ANKRD6: variants seen among roughly 807,000 people sequenced by gnomAD.
The protein encoded by ANKRD6 is ankyrin repeat domain 6, also known as ankyrin repeat domain-containing protein 6.
Under a neutral mutation model 82.3 loss-of-function variants are expected in ANKRD6, and 56 were observed. The ratio of observed to expected loss-of-function variants is 0.68; its 90% CI spans 0.55 to 0.85. The LOEUF (loss-of-function observed/expected upper bound fraction) is 0.85, where lower values mean the gene tolerates loss of function less well. ANKRD6 is among the 40% of genes least tolerant of loss of function. The pLI is 0.00. For missense variants in ANKRD6, 852 were observed against 907.6 expected (o/e 0.94, Z 0.79); for synonymous variants, 347 against 352.1 (o/e 0.99, Z 0.16).
intron 1 of ANKRD6, among the ~76,000 whole-genome samples, chr6:89,438,592 G>A (rs570994527): frequency 6.6e-6 from 1 of 152,258 alleles, no homozygotes; most frequent in South Asian, 2.1e-4. Context: ...TGTACAATAA[G>A]GTGCTAGTGT....
At chr6:89,455,249 A>G (rs1773364732) in intron 1 of ANKRD6, among the ~76,000 whole-genome samples, 1 of 151,900 alleles carries the variant, frequency 6.6e-6, no homozygotes, top group African/African-American at 2.4e-5. Flanking sequence ...TATAAAGAAA[A>G]GAGGTTTAAT....
At chr6:89,579,053 T>C (rs1231009129) in intron 2 of ANKRD6, among the ~76,000 whole-genome samples, 1 of 152,152 alleles carries the variant, frequency 6.6e-6, no homozygotes, top group Non-Finnish European at 1.5e-5. Context: ...CTGCACACCA[T>C]TTCCAGAGTT....
chr6:89,566,677 T>A (rs1012516446), intron 1 of ANKRD6, among the ~76,000 whole-genome samples, 157 bp from the exon 2 acceptor site: 1 of 152,196 alleles, frequency 6.6e-6, no homozygotes, highest in African/African-American at 2.4e-5. Flanking sequence ...GTTCAGGGGC[T>A]TTGCTGTGGA....
chr6:89,520,003 T>C lies in ANKRD6; in HGVS notation c.-143-46831T>C, dbSNP rs942845642. Among the ~76,000 whole-genome samples, 10 of 152,324 alleles carry C rather than the reference T, an allele frequency of 6.6e-5. No homozygotes were observed. In the South Asian group the frequency reaches 1.9e-3, roughly 28 times the overall value. ...TACCTCTTTTCATTTCCTTTTCTTT[T>C]TTGAGATAGGATCTCGCTCTGTTGC... On this transcript the variant is annotated intron_variant, in intron 1 of 15. Transcript: ENST00000339746.
intron 1 of ANKRD6, among the ~76,000 whole-genome samples, chr6:89,444,703 C>T (rs1382055306): frequency 6.6e-6 from 1 of 152,156 alleles, no homozygotes; most frequent in Non-Finnish European, 1.5e-5. Flanking sequence ...CGCGGTGGCT[C>T]ACGCCTGTAA....
chr6:89,532,154 G>C (rs779576813), intron 1 of ANKRD6, among the ~76,000 whole-genome samples: 1 of 152,006 alleles, frequency 6.6e-6, no homozygotes, highest in Non-Finnish European at 1.5e-5. Context: ...TGCTTTATTC[G>C]GTCTATCAAT....
chr6:89,579,197 T>C (rs2128110101), intron 2 of ANKRD6, among the ~76,000 whole-genome samples: 1 of 152,372 alleles, frequency 6.6e-6, no homozygotes, highest in East Asian at 1.9e-4. Context: ...AATAACTTTG[T>C]GCATCATATC....
intron 2 of ANKRD6, among the ~76,000 whole-genome samples, chr6:89,589,350 G>A (rs1794427781): frequency 2.0e-5 from 3 of 152,156 alleles, no homozygotes; most frequent in African/African-American, 4.8e-5. Context: ...GCCTCCTTCC[G>A]AGGGTCCTGG....
intron 1 of ANKRD6, among the ~76,000 whole-genome samples, chr6:89,543,759 C>G (rs999573806): frequency 2.0e-5 from 3 of 152,230 alleles, no homozygotes; most frequent in Non-Finnish European, 4.4e-5. Context: ...TCAGCTCCCT[C>G]TCTTTTATAC....
Position 89,630,877 on chromosome 6 carries a change from A to T in ANKRD6, c.2057A>T (p.Lys686Met). Residue 686 changes from lysine (K) to methionine (M), a missense_variant, in exon 16 of 16, where the codon AAG becomes ATG. Coordinates refer to ENST00000339746, the MANE Select transcript of ANKRD6 (RefSeq NM_001242809.2). ...CAGATGGAAAAGTGGTATGAAAGGAAGATTGAAGAAGCACGAAGCCAAGCC... is the reference window on the plus strand; with the variant it reads ...CAGATGGAAAAGTGGTATGAAAGGATGATTGAAGAAGCACGAAGCCAAGCC... ...STQMEKWYER[K>M]IEEARSQANQ... 3 of 1,613,810 alleles carry T rather than the reference A, an allele frequency of 1.9e-6. No individual in the cohort carries two copies. The highest frequency in any genetic ancestry group is 2.5e-6 in the Non-Finnish European group (3 of 1,179,864).
At chr6:89,603,598 G>C (rs531856618) in intron 4 of ANKRD6, among the ~76,000 whole-genome samples, 4 of 152,058 alleles carry the variant, frequency 2.6e-5, no homozygotes, top group African/African-American at 9.6e-5. Context: ...GGCCTGGGTC[G>C]GGGGGGTAAG....
chr6:89,448,987 G>A (rs969001302), intron 1 of ANKRD6, among the ~76,000 whole-genome samples: 5 of 135,672 alleles, frequency 3.7e-5, no homozygotes, highest in Non-Finnish European at 7.6e-5. Context: ...CCGAGATCGC[G>A]CCACTGCACT....
chr6:89,603,513 T>C (rs1224296496), intron 4 of ANKRD6, among the ~76,000 whole-genome samples: 1 of 152,056 alleles, frequency 6.6e-6, no homozygotes, highest in Non-Finnish European at 1.5e-5. Flanking sequence ...TCTTTTTCCT[T>C]GTTCTATGGC....
At chr6:89,451,501 C>T (rs1772820401) in intron 1 of ANKRD6, among the ~76,000 whole-genome samples, 4 of 152,162 alleles carry the variant, frequency 2.6e-5, no homozygotes, top group Admixed American at 1.3e-4. Flanking sequence ...TAATTTCTCT[C>T]TAGATACCAT....
intron 1 of ANKRD6, among the ~76,000 whole-genome samples, chr6:89,456,492 G>A (rs945049097): frequency 6.6e-6 from 1 of 152,128 alleles, no homozygotes; most frequent in Non-Finnish European, 1.5e-5. Flanking sequence ...ACTTGGTCTT[G>A]CCTCTGTGCG....
At chr6:89,443,989 A>G (rs1027239955) in intron 1 of ANKRD6, among the ~76,000 whole-genome samples, 2 of 152,204 alleles carry the variant, frequency 1.3e-5, no homozygotes, top group African/African-American at 4.8e-5. Flanking sequence ...GTGAATGTGA[A>G]TGGTTTATAT....
chr6:89,554,642 G>A (rs1223040797), intron 1 of ANKRD6, among the ~76,000 whole-genome samples: 1 of 152,106 alleles, frequency 6.6e-6, no homozygotes, highest in Non-Finnish European at 1.5e-5. Flanking sequence ...TATCCAATAA[G>A]CCTGTATTGT....
At chr6:89,535,315 CA>C (rs942344949) in intron 1 of ANKRD6, among the ~76,000 whole-genome samples, 1 of 151,808 alleles carries the variant, frequency 6.6e-6, no homozygotes, top group African/African-American at 2.4e-5. Flanking sequence ...ATAAAATTTC[CA>C]AGAATTAGCC....
intron 2 of ANKRD6, among the ~76,000 whole-genome samples, chr6:89,569,205 G>A (rs1278652199): frequency 6.6e-6 from 1 of 152,022 alleles, no homozygotes; most frequent in Non-Finnish European, 1.5e-5. Flanking sequence ...ATGAGCCACC[G>A]CGCCTGGCTC....
Sources: gnomAD v4.1 joint callset for allele counts (sites outside exome capture counted in the v4.1 genomes callset) on GRCh38, gnomAD v4.1.1 for gene constraint, MANE v1.5 for transcripts, NCBI Gene and HGNC (gene_info 2026-07-23, HGNC 2026-07-21) for gene names.